UBR1: variants seen among roughly 807,000 people sequenced by gnomAD.
UBR1 encodes the protein ubiquitin protein ligase E3 component n-recognin 1, also known as E3 ubiquitin-protein ligase UBR1.
In UBR1, 102 loss-of-function variants were observed where a neutral mutation model predicts 242.1. The ratio of observed to expected loss-of-function variants is 0.42; its 90% CI spans 0.36 to 0.50. UBR1 has a LOEUF of 0.50. UBR1 is among the 20% of genes least tolerant of loss of function. UBR1 has a pLI of 0.01. For synonymous variants in UBR1, 675 were observed against 684.8 expected, an observed-to-expected ratio of 0.99 and a Z score of 0.22; for missense variants, 1,772 against 2,101.8, an observed-to-expected ratio of 0.84 and a Z score of 3.07.
intron 1 of UBR1, among the ~76,000 whole-genome samples, chr15:43,093,362 T>G (rs2034125262): frequency 6.6e-6 from 1 of 152,192 alleles, no homozygotes; most frequent in Admixed American, 6.5e-5. Flanking sequence ...TTTAAAGTGG[T>G]AACAAAACCT....
chr15:43,007,096 G>A lies in UBR1; in HGVS notation c.3398C>T (p.Pro1133Leu), dbSNP rs377271561. The A allele has an allele frequency of 1.2e-6, 2 of 1,614,044 alleles. No homozygotes were observed. The highest frequency in any genetic ancestry group is 1.7e-6 in the Non-Finnish European group (2 of 1,180,002). ...ATACATACCTCCTGAGAGTTCTATGGGTTTTCCCCTGTGCTGGGTTAAGGC... is the reference window on the plus strand; with the variant it reads ...ATACATACCTCCTGAGAGTTCTATGAGTTTTCCCCTGTGCTGGGTTAAGGC... The part of the protein sequence containing the change: ...STALTQHRGK[P>L]IELSGEALDP... The change falls in exon 30 of 47, where the codon CCC becomes CTC. Residue 1133 changes from proline to leucine, a missense_variant. Pro to Leu is a moderately conservative substitution (Grantham distance 98, BLOSUM62 -3). Around this residue, in one of 3 missense-constraint regions of UBR1, gnomAD observed 965 missense variants for 1,079.7 expected, o/e 0.89. Coordinates refer to ENST00000290650, the MANE Select transcript of UBR1 (RefSeq NM_174916.3).
intron 1 of UBR1, among the ~76,000 whole-genome samples, chr15:43,093,738 A>G (rs970721564): frequency 1.4e-5 from 2 of 147,714 alleles, no homozygotes; most frequent in African/African-American, 5.0e-5. Flanking sequence ...GCAAGCCCTG[A>G]TCGCGCCACC....
chr15:43,014,116 G>C (rs867776414), intron 29 of UBR1, among the ~76,000 whole-genome samples: 1 of 152,250 alleles, frequency 6.6e-6, no homozygotes, highest in African/African-American at 2.4e-5. Flanking sequence ...GCTCCTAACC[G>C]CGAGTGATCC....
chr15:43,059,680 G>A, intron 8 of UBR1, 22 bp downstream of exon 8: 1 of 1,609,678 alleles, frequency 6.2e-7, no homozygotes, highest in Non-Finnish European at 8.5e-7. Flanking sequence ...TCAGAAACAA[G>A]AAAAACAGGA....
chr15:42,985,991 A>G (rs1169632361), intron 35 of UBR1, among the ~76,000 whole-genome samples: 2 of 146,304 alleles, frequency 1.4e-5, no homozygotes, highest in African/African-American at 2.5e-5. Flanking sequence ...CCCTGTCTCA[A>G]AAAAAAAAAA....
intron 8 of UBR1, 105 bp downstream of exon 8, chr15:43,059,597 A>G (rs2033658436): frequency 6.4e-6 from 9 of 1,401,896 alleles, no homozygotes; most frequent in Admixed American, 4.8e-5. Flanking sequence ...CCAAAAAAAA[A>G]AAAAAAAGAA....
At chr15:43,051,611 G>A (rs2033556533) in intron 12 of UBR1, among the ~76,000 whole-genome samples, 1 of 152,136 alleles carries the variant, frequency 6.6e-6, no homozygotes, top group African/African-American at 2.4e-5. Context: ...CAGCTCCCCA[G>A]ATGATTTGCA....
intron 14 of UBR1, 133 bp downstream of exon 14, chr15:43,047,028 G>T: frequency 1.1e-5 from 12 of 1,111,418 alleles, no homozygotes; most frequent in Non-Finnish European, 1.5e-5. Flanking sequence ...TTTAAAAAGA[G>T]AAATTCAAAT....
intron 39 of UBR1, among the ~76,000 whole-genome samples, chr15:42,975,068 G>C (rs2032267076): frequency 6.6e-6 from 1 of 152,016 alleles, no homozygotes; most frequent in South Asian, 2.1e-4. Context: ...GCTAATTATT[G>C]TATTTTTAGT....
chr15:42,985,416 G>A (rs1208871094), intron 35 of UBR1, among the ~76,000 whole-genome samples: 1 of 151,948 alleles, frequency 6.6e-6, no homozygotes, highest in Non-Finnish European at 1.5e-5. Flanking sequence ...GCAATGGCGC[G>A]ATCTCGGCTC....
rs376438179 is a variant in UBR1 at position 43,104,640 on chromosome 15, G to A, written c.81+1302C>T. 3.3e-5 allele frequency among the ~76,000 whole-genome samples: 5 copies of A among 151,812 alleles called. No individual in the cohort carries two copies. The East Asian group carries it at 9.7e-4, about 29-fold the overall frequency. On this transcript the variant is annotated intron_variant, in intron 1 of 46. Coordinates refer to ENST00000290650, the MANE Select transcript of UBR1 (RefSeq NM_174916.3). ...TCAGTCCCTGGAGTTGACTCATGCC[G>A]TAGCTCCCTCTGTAGTTCCCTCTGT... is the stretch of plus-strand genomic sequence containing the variant.
intron 6 of UBR1, among the ~76,000 whole-genome samples, chr15:43,067,524 C>T (rs2033769173): frequency 6.6e-6 from 1 of 152,082 alleles, no homozygotes; most frequent in South Asian, 2.1e-4. Flanking sequence ...ATTAATATTA[C>T]TCTAAAAATA....
Position 43,023,006 on chromosome 15 carries a change from G to C in UBR1, c.2740-205C>G, listed in dbSNP as rs572658839. 2.2e-4 allele frequency among the ~76,000 whole-genome samples: 33 copies of C among 152,174 alleles called. 1 individual carries two copies. In the South Asian group the frequency reaches 6.7e-3, roughly 31 times the overall value. On this transcript the variant is annotated intron_variant, in intron 25 of 46. Coordinates refer to ENST00000290650, the MANE Select transcript of UBR1 (RefSeq NM_174916.3). Reference sequence around the variant, plus strand: ...GCCTCCTGAGTAGCTGGGGACTAGAGGTGCACACGACCACGCCCAGCTAAA... The same window carrying C: ...GCCTCCTGAGTAGCTGGGGACTAGACGTGCACACGACCACGCCCAGCTAAA...
intron 1 of UBR1, among the ~76,000 whole-genome samples, chr15:43,091,075 AT>A (rs1351288546): frequency 6.6e-6 from 1 of 152,080 alleles, no homozygotes; most frequent in East Asian, 1.9e-4. Flanking sequence ...AGTAGCTAGG[AT>A]TACAGGAACG....
In UBR1 at chr15:43,006,092, AAAAAAAAAAAAAAG is replaced by A. The variant is rs765514601; in HGVS notation, c.3415+973_3415+986del. ...CACCCAAGAATGATCAATAAATACT[AAAAAAAAAAAAAAG>A]AAAAAAAAAAAAAGAAAAGAAAAGC... On this transcript the variant is annotated intron_variant, in intron 30 of 46. Transcript: ENST00000290650. Among the ~76,000 whole-genome samples the A allele has an allele frequency of 5.6e-3, 763 of 135,368 alleles. 4 individuals are homozygous for A. Among genetic ancestry groups the A allele is most frequent in the Non-Finnish European group, 7.9e-3 (502 of 63,824 alleles). The allele number at this position is 135,368 out of a possible 152,430, so 88.8% of individuals were successfully genotyped here.
At chr15:43,089,035 A>G (rs533724510) in intron 1 of UBR1, among the ~76,000 whole-genome samples, 9 of 151,826 alleles carry the variant, frequency 5.9e-5, no homozygotes, top group African/African-American at 2.2e-4. Flanking sequence ...GATGGCATGC[A>G]CCTGTAATCC....
At chr15:43,105,551 G>T (rs951477588) in intron 1 of UBR1, among the ~76,000 whole-genome samples, 3 of 152,092 alleles carry the variant, frequency 2.0e-5, no homozygotes, top group Non-Finnish European at 4.4e-5. Context: ...CCGGCCAGCA[G>T]GCTATGCAAT....
At chr15:43,052,183 G>C (rs2033565478) in intron 12 of UBR1, among the ~76,000 whole-genome samples, 1 of 152,232 alleles carries the variant, frequency 6.6e-6, no homozygotes, top group Non-Finnish European at 1.5e-5. Context: ...CATGCACCTG[G>C]AACAGGTTCA....
In UBR1 at chr15:43,044,176, A is replaced by G. The variant is rs978890014; in HGVS notation, c.1669-781T>C. On this transcript the variant is annotated intron_variant, in intron 14 of 46. Transcript: ENST00000290650. Reference sequence around the variant, plus strand: ...GAAATTAACAAGCATTTGAACTGGAAATGTGCCTTGGCACAGGCATGTGAA... The same window carrying G: ...GAAATTAACAAGCATTTGAACTGGAGATGTGCCTTGGCACAGGCATGTGAA... Among the ~76,000 whole-genome samples the G allele has an allele frequency of 3.9e-5, 6 of 152,264 alleles. No homozygotes were observed. The East Asian group carries it at 1.2e-3, about 29-fold the overall frequency.
Sources: allele counts gnomAD v4.1 joint callset (sites outside exome capture counted in the v4.1 genomes callset), GRCh38; gene constraint gnomAD v4.1.1; regional missense constraint gnomAD v4.1.1; transcripts MANE v1.5; gene names NCBI Gene and HGNC (gene_info 2026-07-23, HGNC 2026-07-21).